LIMA1: variants seen among roughly 807,000 people sequenced by gnomAD.
The protein encoded by LIMA1 is LIM domain and actin binding 1.
A neutral mutation model predicts 62.6 loss-of-function variants in LIMA1; 52 were observed. That is an observed-to-expected ratio of 0.83 (90% CI 0.67 to 1.05). LIMA1 has a LOEUF of 1.05. LIMA1 is among the 50% of genes least tolerant of loss of function. The pLI is 0.00. For synonymous variants in LIMA1, 302 were observed against 317.8 expected (o/e 0.95, Z 0.53); for missense variants, 780 against 902.2 (o/e 0.86, Z 1.74).
chr12:50,204,531 T>G (rs369889292), intron 6 of LIMA1, 21 bp downstream of exon 6: 62 of 1,599,002 alleles, frequency 3.9e-5, no homozygotes, highest in Non-Finnish European at 5.0e-5. Context: ...AATGAATGAA[T>G]GAATGATGCA....
chr12:50,194,964 C>T (rs1345047290), intron 8 of LIMA1, among the ~76,000 whole-genome samples: 1 of 152,086 alleles, frequency 6.6e-6, no homozygotes, highest in Non-Finnish European at 1.5e-5. Flanking sequence ...AGGAGAATCG[C>T]TTGAACCTGG....
At chr12:50,277,376 T>C (rs1419326667) in intron 1 of LIMA1, among the ~76,000 whole-genome samples, 2 of 152,152 alleles carry the variant, frequency 1.3e-5, no homozygotes, top group African/African-American at 2.4e-5. Context: ...CATCCAGTCT[T>C]TCCTCAGGCT....
At chr12:50,205,241 C>CT (rs11336583) in intron 5 of LIMA1, among the ~76,000 whole-genome samples, 99 of 139,544 alleles carry the variant, frequency 7.1e-4, no homozygotes, top group Non-Finnish European at 9.0e-4. Flanking sequence ...CCACGCTGGG[C>CT]TTTTTTTTTT....
intron 1 of LIMA1, among the ~76,000 whole-genome samples, chr12:50,281,201 C>G (rs1474518702): frequency 6.6e-6 from 1 of 151,990 alleles, no homozygotes; most frequent in Non-Finnish European, 1.5e-5. Flanking sequence ...TACGAGGGCT[C>G]TAAGTTAATT....
intron 2 of LIMA1, among the ~76,000 whole-genome samples, chr12:50,248,080 A>G (rs1017758015): frequency 1.3e-5 from 2 of 152,254 alleles, no homozygotes; most frequent in Admixed American, 6.5e-5. Flanking sequence ...GTTACTGAGC[A>G]CTTGAAAAGT....
chr12:50,217,708 G>T, intron 4 of LIMA1: 1 of 280,542 alleles, frequency 3.6e-6, no homozygotes, highest in South Asian at 3.8e-5. Flanking sequence ...GTCTACAGTG[G>T]GGGGAAGGTG....
intron 3 of LIMA1, among the ~76,000 whole-genome samples, chr12:50,229,594 A>G (rs1941579598): frequency 6.6e-6 from 1 of 152,172 alleles, no homozygotes; most frequent in African/African-American, 2.4e-5. Flanking sequence ...ACCTAATGTA[A>G]ATGACGAGTT....
chr12:50,280,286 C>T (rs1942325178), intron 1 of LIMA1, among the ~76,000 whole-genome samples: 1 of 151,140 alleles, frequency 6.6e-6, no homozygotes, highest in Non-Finnish European at 1.5e-5. Context: ...TCCCGAGTAG[C>T]TAGGACTACA....
rs1205048475 is a variant in LIMA1 at position 50,181,932 on chromosome 12, G to A, written c.1246C>T (p.Arg416Cys). Reference protein sequence around the residue: ...NQQVFHISCFRCSYCNNKLSL... With the variant: ...NQQVFHISCFCCSYCNNKLSL... ...AGTTTGTTGTTGCAATAGGAGCAAC[G>A]GAAGCAGCTGATGTGAAACACCTGC... Residue 416 changes from arginine to cysteine, a missense_variant, in exon 10 of 11, where the codon CGT (arginine) becomes TGT (cysteine). Coordinates refer to ENST00000341247, the MANE Select transcript of LIMA1 (RefSeq NM_016357.5). 4.3e-6 allele frequency: 7 copies of A among 1,613,908 alleles called. No homozygotes were observed. In the South Asian group the frequency reaches 4.4e-5, roughly 10 times the overall value.
At chr12:50,269,962 C>T (rs1367420914) in intron 1 of LIMA1, among the ~76,000 whole-genome samples, 4 of 147,650 alleles carry the variant, frequency 2.7e-5, no homozygotes, top group East Asian at 2.0e-4. Flanking sequence ...AGGCTAGGCA[C>T]GGTGGCTTAT....
chr12:50,262,568 G>A (rs932844949), intron 1 of LIMA1, among the ~76,000 whole-genome samples: 1 of 151,696 alleles, frequency 6.6e-6, no homozygotes, highest in African/African-American at 2.4e-5. Context: ...AAGGTCAGAA[G>A]TTCCAGACCA....
Position 50,205,744 on chromosome 12 carries a change from C to T in LIMA1, c.715+240G>A, listed in dbSNP as rs541053630. Among the ~76,000 whole-genome samples, 13 of 145,352 alleles carry T rather than the reference C, an allele frequency of 8.9e-5. No individual in the cohort carries two copies. In the South Asian group the frequency reaches 1.1e-3, roughly 12 times the overall value. ...ATATGAAAAAAGCAGCCGGGCATGA[C>T]GGCTCATGCCTGTAATCCCAGCACT... On this transcript the variant is annotated intron_variant, in intron 5 of 10. Coordinates refer to ENST00000341247, the MANE Select transcript of LIMA1 (RefSeq NM_016357.5).
chr12:50,211,793 A>AACAC (rs6144709), intron 4 of LIMA1, among the ~76,000 whole-genome samples: 2,703 of 150,696 alleles, frequency 0.018, 80 homozygotes, highest in African/African-American at 0.059. Context: ...AGGAACACAA[A>AACAC]ACACACACAC....
intron 4 of LIMA1, among the ~76,000 whole-genome samples, chr12:50,218,763 TGA>T: frequency 6.6e-6 from 1 of 151,900 alleles, no homozygotes; most frequent in South Asian, 2.1e-4. Flanking sequence ...AAAAATTAGC[TGA>T]GAGTGGTGGT....
chr12:50,193,663 TA>T (rs1342086855), intron 8 of LIMA1, among the ~76,000 whole-genome samples: 1,128 of 74,678 alleles, frequency 0.015, 38 homozygotes, highest in Non-Finnish European at 0.023. Flanking sequence ...TATATATATA[TA>T]TATTTTTTTT....
At chr12:50,231,790 G>A (rs1035057366) in intron 2 of LIMA1, 80 bp from the exon 3 acceptor site, 14 of 1,345,686 alleles carry the variant, frequency 1.0e-5, no homozygotes, top group Non-Finnish European at 1.5e-5. Flanking sequence ...TTTTTGAGAT[G>A]AAGTCTCACG....
At position 50,231,713 on chromosome 12, in the gene LIMA1, T is replaced by C; in HGVS notation, c.120-3A>G. 3 of 1,612,100 alleles carry C rather than the reference T, an allele frequency of 1.9e-6. No individual in the cohort carries two copies. The highest frequency in any genetic ancestry group is 1.7e-6 in the Non-Finnish European group (2 of 1,178,118). ...TTTCTTCAGCTGCTTTCTGGTACCT[T>C]CAGAGAAGGGAAGGAAAGAATGTCT... On this transcript the variant is annotated splice_polypyrimidine_tract_variant and splice_region_variant and intron_variant, in intron 2 of 10. Coordinates refer to ENST00000341247, the MANE Select transcript of LIMA1 (RefSeq NM_016357.5).
intron 4 of LIMA1, 135 bp downstream of exon 4, chr12:50,221,886 A>G (rs1941447743): frequency 1.4e-6 from 1 of 696,624 alleles, no homozygotes; most frequent in Non-Finnish European, 2.4e-6. Context: ...ATTTGAGACT[A>G]TTAACTTATC....
At chr12:50,207,798 G>C (rs560126041) in intron 4 of LIMA1, among the ~76,000 whole-genome samples, 1 of 151,622 alleles carries the variant, frequency 6.6e-6, no homozygotes, top group African/African-American at 2.4e-5. Flanking sequence ...GCTGAGGTGG[G>C]AGGATTGCTT....
Sources: gnomAD v4.1 joint callset for allele counts (sites outside exome capture counted in the v4.1 genomes callset) on GRCh38, gnomAD v4.1.1 for gene constraint, MANE v1.5 for transcripts, NCBI Gene and HGNC (gene_info 2026-07-23, HGNC 2026-07-21) for gene names.